The following HMGCLL1 variants were observed in gnomAD, a reference collection of about 807,000 sequenced individuals.
HMGCLL1 encodes 3-hydroxy-3-methylglutaryl-CoA lyase like 1, also known as 3-hydroxymethyl-3-methylglutaryl-CoA lyase, cytoplasmic.
A neutral mutation model predicts 39.1 loss-of-function variants in HMGCLL1; 36 were observed. That is an observed-to-expected ratio of 0.92 (90% CI 0.71 to 1.22). HMGCLL1 has a LOEUF of 1.22. HMGCLL1 is among the 50% of genes most tolerant of loss of function. The probability of loss-of-function intolerance (pLI) is 0.00; values close to 1 mark genes in which losing one functional copy is unlikely to be tolerated. For missense variants in HMGCLL1, 451 were observed against 416.5 expected, an observed-to-expected ratio of 1.08 and a Z score of -0.72; for synonymous variants, 149 against 144.0, an observed-to-expected ratio of 1.03 and a Z score of -0.25.
At chr6:55,436,871 T>C (rs1391729592) in intron 8 of HMGCLL1, among the ~76,000 whole-genome samples, 1 of 152,046 alleles carries the variant, frequency 6.6e-6, no homozygotes, top group Non-Finnish European at 1.5e-5. Flanking sequence ...ACAAAGTTGT[T>C]TTCAGGATAC....
chr6:55,480,170 A>G (rs1765661541), intron 7 of HMGCLL1, among the ~76,000 whole-genome samples: 1 of 151,626 alleles, frequency 6.6e-6, no homozygotes, highest in African/African-American at 2.4e-5. Flanking sequence ...GCTTCTGCAT[A>G]GCAAACAACA....
At chr6:55,492,017 C>T (rs76106805) in intron 7 of HMGCLL1, among the ~76,000 whole-genome samples, 1,637 of 152,102 alleles carry the variant, frequency 0.011, 34 homozygotes, top group African/African-American at 0.038. Context: ...CTGAGGGGGA[C>T]GTTCCATTTA....
At chr6:55,469,443 A>T (rs1414266217) in intron 7 of HMGCLL1, among the ~76,000 whole-genome samples, 4 of 142,248 alleles carry the variant, frequency 2.8e-5, no homozygotes, top group African/African-American at 1.1e-4. Context: ...GTATATATAC[A>T]TATATATGTA....
At chr6:55,604,230 A>G in the HMGCLL1 span, among the ~76,000 whole-genome samples, 2 of 152,308 alleles carry the variant, frequency 1.3e-5, no homozygotes, top group Non-Finnish European at 2.9e-5. Flanking sequence ...GAAGCCCTGA[A>G]ATATGAACCT....
intron 7 of HMGCLL1, among the ~76,000 whole-genome samples, chr6:55,490,269 C>T (rs1384412941): frequency 6.6e-6 from 1 of 152,108 alleles, no homozygotes; most frequent in Non-Finnish European, 1.5e-5. Context: ...TTCCCTGTGC[C>T]TACCCTTTTA....
chr6:55,476,553 T>C, intron 7 of HMGCLL1, among the ~76,000 whole-genome samples: 1 of 151,834 alleles, frequency 6.6e-6, no homozygotes, highest in African/African-American at 2.4e-5. Flanking sequence ...ATTTTGTTCA[T>C]TTCCTTTCCT....
intron 7 of HMGCLL1, among the ~76,000 whole-genome samples, chr6:55,454,641 T>A (rs75483589): frequency 0.018 from 2,772 of 152,252 alleles, 78 homozygotes; most frequent in African/African-American, 0.062. Context: ...CAGAGCTGAA[T>A]GGGCCGAATA....
At chr6:55,495,181 AAAGAATAGATT>A (rs1766507956) in intron 7 of HMGCLL1, among the ~76,000 whole-genome samples, 1 of 152,224 alleles carries the variant, frequency 6.6e-6, no homozygotes, top group South Asian at 2.1e-4. Context: ...ATACTTTTCA[AAAGAATAGATT>A]ACAGATTTTA....
intron 1 of HMGCLL1, among the ~76,000 whole-genome samples, chr6:55,560,663 T>TGC (rs1253087035): frequency 6.6e-6 from 1 of 152,148 alleles, no homozygotes; most frequent in African/African-American, 2.4e-5. Context: ...TTCCAGATGC[T>TGC]GCTGTTGAAT....
the HMGCLL1 span, among the ~76,000 whole-genome samples, chr6:55,637,707 A>G: frequency 2.0e-5 from 2 of 99,144 alleles, no homozygotes; most frequent in African/African-American, 4.2e-5. Context: ...TCCTTCTATA[A>G]TTTGATATGT....
At chr6:55,649,299 A>G in the HMGCLL1 span, among the ~76,000 whole-genome samples, 1 of 151,852 alleles carries the variant, frequency 6.6e-6, no homozygotes, top group Non-Finnish European at 1.5e-5. Flanking sequence ...GCTTTTGTTC[A>G]TCTCAGAAGG....
At chr6:55,588,730 A>T in the HMGCLL1 span, among the ~76,000 whole-genome samples, 20 of 152,180 alleles carry the variant, frequency 1.3e-4, no homozygotes, top group Non-Finnish European at 4.4e-5. Flanking sequence ...GGATATCACC[A>T]CTGATCCCAC....
At chr6:55,520,270 AAATAAAT>A in intron 3 of HMGCLL1, among the ~76,000 whole-genome samples, 1 of 150,416 alleles carries the variant, frequency 6.6e-6, no homozygotes. Context: ...ATAAATAAAT[AAATAAAT>A]AAAAGAAAAA....
At chr6:55,444,481 G>A (rs1222395687) in intron 7 of HMGCLL1, among the ~76,000 whole-genome samples, 2 of 151,962 alleles carry the variant, frequency 1.3e-5, no homozygotes, top group Admixed American at 6.6e-5. Flanking sequence ...ATGGAGAATA[G>A]CTTTATGGTG....
the HMGCLL1 span, among the ~76,000 whole-genome samples, chr6:55,639,633 A>C: frequency 2.6e-5 from 4 of 152,022 alleles, no homozygotes; most frequent in African/African-American, 7.2e-5. Flanking sequence ...CATACACTCT[A>C]ATTTGTTTAA....
At chr6:55,524,724 G>A (rs903446853) in intron 3 of HMGCLL1, among the ~76,000 whole-genome samples, 8 of 151,788 alleles carry the variant, frequency 5.3e-5, no homozygotes, top group Admixed American at 1.3e-4. Flanking sequence ...TGCCAGAAAC[G>A]CGATCCTTGA....
chr6:55,448,851 C>T (rs1412395297), intron 7 of HMGCLL1, among the ~76,000 whole-genome samples: 1 of 152,150 alleles, frequency 6.6e-6, no homozygotes, highest in African/African-American at 2.4e-5. Context: ...TATGCCAATA[C>T]TACTGGCCCC....
chr6:55,581,546 T>C (rs1384951616), upstream of HMGCLL1, among the ~76,000 whole-genome samples: 1 of 152,098 alleles, frequency 6.6e-6, no homozygotes, highest in African/African-American at 2.4e-5. Context: ...TTGTACTTAG[T>C]ATTAATGTAC....
the HMGCLL1 span, among the ~76,000 whole-genome samples, chr6:55,592,593 A>G: frequency 1.8e-4 from 28 of 152,076 alleles, no homozygotes; most frequent in Non-Finnish European, 3.4e-4. Context: ...TTTACTCACT[A>G]GATGCCAGTA....
Sources: allele counts gnomAD v4.1 joint callset (sites outside exome capture counted in the v4.1 genomes callset), GRCh38; gene constraint gnomAD v4.1.1; transcripts MANE v1.5; gene names NCBI Gene and HGNC (gene_info 2026-07-23, HGNC 2026-07-21).